The following PHLDB2 variants were observed in gnomAD, a reference collection of about 807,000 sequenced individuals.
The protein encoded by PHLDB2 is pleckstrin homology like domain family B member 2.
A neutral mutation model predicts 123.6 loss-of-function variants in PHLDB2; 71 were observed. That is an observed-to-expected ratio of 0.57 (90% CI 0.47 to 0.70). The LOEUF (loss-of-function observed/expected upper bound fraction) is 0.70, where lower values mean the gene tolerates loss of function less well. PHLDB2 is among the 30% of genes least tolerant of loss of function. PHLDB2 has a pLI of 0.00. For missense variants in PHLDB2, 1,446 were observed against 1,519.5 expected (o/e 0.95, Z 0.80); for synonymous variants, 547 against 541.6 (o/e 1.01, Z -0.14).
chr3:111,958,703 A>G (rs1296474639), intron 12 of PHLDB2: 1 of 455,892 alleles, frequency 2.2e-6, no homozygotes. Context: ...GATAGGAAGG[A>G]TTTAGAGCAT....
chr3:111,853,790 G>T (rs370820826), intron 2 of PHLDB2, among the ~76,000 whole-genome samples: 1 of 151,900 alleles, frequency 6.6e-6, no homozygotes, highest in African/African-American at 2.4e-5. Context: ...CAGGAGAATC[G>T]CTTAAACCCA....
At chr3:111,841,548 T>C (rs1003600893) in intron 1 of PHLDB2, among the ~76,000 whole-genome samples, 2 of 152,188 alleles carry the variant, frequency 1.3e-5, no homozygotes, top group African/African-American at 4.8e-5. Flanking sequence ...AGATCAACTT[T>C]TGTTCTTTTC....
chr3:111,753,026 G>A (rs1282197130), intron 1 of PHLDB2, among the ~76,000 whole-genome samples: 12 of 152,106 alleles, frequency 7.9e-5, no homozygotes, highest in Non-Finnish European at 1.5e-4. Context: ...TATGTGCCAA[G>A]TTTTCTTAAT....
intron 1 of PHLDB2, among the ~76,000 whole-genome samples, chr3:111,750,904 C>A (rs2059759018): frequency 6.6e-6 from 1 of 150,402 alleles, no homozygotes; most frequent in Non-Finnish European, 1.5e-5. Context: ...CAATATCGCA[C>A]CACTGCACTC....
At chr3:111,754,669 C>G (rs2059851181) in intron 1 of PHLDB2, among the ~76,000 whole-genome samples, 1 of 145,804 alleles carries the variant, frequency 6.9e-6, no homozygotes, top group Admixed American at 6.9e-5. Context: ...TTGCCCTGGC[C>G]AGAACTTCTA....
rs1044502786 is a variant in PHLDB2 at position 111,860,113 on chromosome 3, G to A, written c.-15+537G>A. Among the ~76,000 whole-genome samples, 4 of 152,216 alleles carry A rather than the reference G, an allele frequency of 2.6e-5. No individual in the cohort carries two copies. The South Asian group carries it at 6.2e-4, about 24-fold the overall frequency. On this transcript the variant is annotated intron_variant, in intron 1 of 17. Coordinates refer to ENST00000431670, the MANE Select transcript of PHLDB2 (RefSeq NM_001134438.2). ...TGATTGTAGAAAACAGGCAGAATGT[G>A]GGGGAACTGGGGGCAACTTTTTCCA...
intron 1 of PHLDB2, among the ~76,000 whole-genome samples, chr3:111,770,534 C>T (rs1310889915): frequency 6.6e-6 from 1 of 152,104 alleles, no homozygotes; most frequent in Non-Finnish European, 1.5e-5. Flanking sequence ...TACACAAACA[C>T]AAAATATGCC....
intron 2 of PHLDB2, among the ~76,000 whole-genome samples, chr3:111,851,054 G>T (rs537567124): frequency 1.4e-4 from 22 of 152,006 alleles, no homozygotes; most frequent in African/African-American, 5.3e-4. Flanking sequence ...AATTAGCTGG[G>T]TGTGGTGGTG....
intron 2 of PHLDB2, among the ~76,000 whole-genome samples, chr3:111,886,710 A>T (rs2066184390): frequency 6.6e-6 from 1 of 152,228 alleles, no homozygotes; most frequent in Non-Finnish European, 1.5e-5. Flanking sequence ...GTGAATGAAA[A>T]CAAATGTGCA....
chr3:111,812,604 T>C (rs576471093), intron 1 of PHLDB2, among the ~76,000 whole-genome samples: 1 of 152,278 alleles, frequency 6.6e-6, no homozygotes, highest in East Asian at 1.9e-4. Flanking sequence ...AGGATGAGTT[T>C]GCTTAGTATG....
chr3:111,790,581 A>C (rs1383019269), intron 1 of PHLDB2, among the ~76,000 whole-genome samples: 4 of 152,168 alleles, frequency 2.6e-5, no homozygotes, highest in African/African-American at 7.2e-5. Context: ...CCACCTAAGC[A>C]CTGTGTTTTG....
At chr3:111,893,319 A>T (rs1030638135) in intron 2 of PHLDB2, among the ~76,000 whole-genome samples, 15 of 151,888 alleles carry the variant, frequency 9.9e-5, no homozygotes, top group Non-Finnish European at 1.8e-4. Flanking sequence ...TCTTACTTGA[A>T]TCTCCTTCCT....
At chr3:111,963,861 T>G (rs2071582116) in intron 13 of PHLDB2, among the ~76,000 whole-genome samples, 1 of 152,232 alleles carries the variant, frequency 6.6e-6, no homozygotes, top group African/African-American at 2.4e-5. Flanking sequence ...TTAAGGATGC[T>G]TTATCAAAAT....
chr3:111,761,963 T>C (rs1352826083), intron 1 of PHLDB2, among the ~76,000 whole-genome samples: 1 of 152,112 alleles, frequency 6.6e-6, no homozygotes, highest in Non-Finnish European at 1.5e-5. Flanking sequence ...TTAAAATAGG[T>C]GCTTGTATGT....
At chr3:111,955,653 A>G (rs987112521) in intron 12 of PHLDB2, among the ~76,000 whole-genome samples, 4 of 151,964 alleles carry the variant, frequency 2.6e-5, no homozygotes, top group Non-Finnish European at 5.9e-5. Flanking sequence ...GGTTTTTGTC[A>G]TGTTTCCCAG....
upstream of PHLDB2, among the ~76,000 whole-genome samples, chr3:111,854,302 T>C (rs1483554899): frequency 1.3e-5 from 2 of 152,218 alleles, no homozygotes; most frequent in African/African-American, 4.8e-5. Context: ...CCAGGTGAGA[T>C]TTGGTTTGGG....
intron 1 of PHLDB2, among the ~76,000 whole-genome samples, chr3:111,815,838 C>G (rs979270272): frequency 3.9e-5 from 6 of 152,114 alleles, no homozygotes; most frequent in Admixed American, 1.3e-4. Context: ...CAGGGCATGT[C>G]GAGGTCTTTA....
chr3:111,753,110 T>G (rs1440643412), intron 1 of PHLDB2, among the ~76,000 whole-genome samples: 1 of 152,002 alleles, frequency 6.6e-6, no homozygotes, highest in Non-Finnish European at 1.5e-5. Context: ...AATAAACGTA[T>G]GTGTGCATGT....
intron 1 of PHLDB2, among the ~76,000 whole-genome samples, chr3:111,834,172 G>T (rs1388914436): frequency 8.3e-6 from 1 of 120,196 alleles, no homozygotes; most frequent in South Asian, 2.5e-4. Flanking sequence ...ATATGTAATA[G>T]AATTATATAT....
Sources: allele counts gnomAD v4.1 joint callset (sites outside exome capture counted in the v4.1 genomes callset), GRCh38; gene constraint gnomAD v4.1.1; transcripts MANE v1.5; gene names NCBI Gene and HGNC (gene_info 2026-07-23, HGNC 2026-07-21).